SHISAL1: variants seen among roughly 807,000 people sequenced by gnomAD.
SHISAL1 encodes the protein protein shisa-like-1.
A neutral mutation model predicts 22.6 loss-of-function variants in SHISAL1; 9 were observed. That is an observed-to-expected ratio of 0.40 (90% CI 0.24 to 0.70). The LOEUF is 0.70. SHISAL1 is among the 30% of genes least tolerant of loss of function. The pLI is 0.39. For missense variants in SHISAL1, 246 were observed against 270.6 expected (o/e 0.91, Z 0.64); for synonymous variants, 119 against 115.4 (o/e 1.03, Z -0.20).
Position 44,246,968 on chromosome 22 carries a change from A to C in SHISAL1, c.*2717T>G, listed in dbSNP as rs1285581850. 1 of 151,912 alleles carries C rather than the reference A, an allele frequency of 6.6e-6. No homozygotes were observed. The highest frequency in any genetic ancestry group is 1.5e-5 in the Non-Finnish European group (1 of 68,040). The allele number at this position is 151,912 out of a possible 1,614,324, so 9.4% of individuals were successfully genotyped here. ...ACTTGGCAGAGCAGCAGGACCACAAACCCCATGGGTTTTTCAGTTATTCCT... is the reference window on the plus strand; with the variant it reads ...ACTTGGCAGAGCAGCAGGACCACAACCCCCATGGGTTTTTCAGTTATTCCT... On this transcript the variant is annotated 3_prime_UTR_variant, in exon 5 of 5. Transcript: ENST00000381176.
the SHISAL1 span, among the ~76,000 whole-genome samples, chr22:44,319,677 T>C: frequency 1.3e-5 from 2 of 152,244 alleles, no homozygotes; most frequent in African/African-American, 4.8e-5. Context: ...CGGGGACAAT[T>C]CAGACCATGT....
chr22:44,331,568 G>A, the SHISAL1 span, among the ~76,000 whole-genome samples: 5 of 150,076 alleles, frequency 3.3e-5, 1 homozygote, highest in South Asian at 1.0e-3. This position sits in a 1 kb window ranked among gnomAD's most constrained non-coding sequence, Gnocchi z 5.2. Flanking sequence ...CTGCTGGGGT[G>A]CGGGGGCTGC....
chr22:44,297,717 T>C (rs1236144042), intron 2 of SHISAL1, among the ~76,000 whole-genome samples: 1 of 152,274 alleles, frequency 6.6e-6, no homozygotes, highest in Non-Finnish European at 1.5e-5. Context: ...ACTGAAAGTC[T>C]GAACAAATAT....
intron 4 of SHISAL1, among the ~76,000 whole-genome samples, chr22:44,259,781 G>T (rs2055109467): frequency 6.6e-6 from 1 of 152,186 alleles, no homozygotes; most frequent in South Asian, 2.1e-4. Flanking sequence ...GCTTAGGGGG[G>T]CTTGCAATCG....
At chr22:44,277,816 C>G (rs2147285080) in intron 4 of SHISAL1, among the ~76,000 whole-genome samples, 2 of 152,316 alleles carry the variant, frequency 1.3e-5, no homozygotes, top group Middle Eastern at 6.8e-3. Context: ...TGGTTATGAA[C>G]ACTTTTCCAT....
chr22:44,303,055 G>A (rs141535308), intron 1 of SHISAL1, among the ~76,000 whole-genome samples: 56 of 152,168 alleles, frequency 3.7e-4, no homozygotes, highest in Non-Finnish European at 6.2e-4. Context: ...AGTTGGAAAC[G>A]GAGGCTAGGA....
chr22:44,290,529 C>CAAAAAAA lies in SHISAL1; in HGVS notation c.282-4791_282-4785dup, dbSNP rs546640216. 7.4e-3 allele frequency among the ~76,000 whole-genome samples: 619 copies of CAAAAAAA among 84,110 alleles called. 4 individuals are homozygous for CAAAAAAA. The highest frequency in any genetic ancestry group is 0.028 in the African/African-American group (582 of 21,116). The allele number at this position is 84,110 out of a possible 152,430, so 55.2% of individuals were successfully genotyped here. On this transcript the variant is annotated intron_variant, in intron 3 of 4. Transcript: ENST00000381176. ...GGGCAACAAGAGGGAAACTCAGTCTCAAAAAAAAAAAAAAACAAAAAACGG... is the reference window on the plus strand; with the variant it reads ...GGGCAACAAGAGGGAAACTCAGTCTCAAAAAAAAAAAAAAAAAAAAAACAAAAAACGG...
At chr22:44,322,000 G>A in the SHISAL1 span, among the ~76,000 whole-genome samples, 1 of 152,038 alleles carries the variant, frequency 6.6e-6, no homozygotes, top group African/African-American at 2.4e-5. Context: ...TGGTGGTGAA[G>A]GGTGGACACA....
chr22:44,281,140 G>A (rs1245523067), intron 4 of SHISAL1, among the ~76,000 whole-genome samples: 2 of 152,110 alleles, frequency 1.3e-5, no homozygotes, highest in Non-Finnish European at 2.9e-5. Context: ...TCAGGGTGAG[G>A]GGACCAGGGC....
upstream of SHISAL1, among the ~76,000 whole-genome samples, chr22:44,316,414 TG>T (rs569428797): frequency 3.8e-4 from 29 of 75,564 alleles, no homozygotes; most frequent in South Asian, 0.015. Flanking sequence ...GGGTGGGGGG[TG>T]GGGGGGCAAA....
At chr22:44,318,088 C>T in the SHISAL1 span, among the ~76,000 whole-genome samples, 1 of 152,248 alleles carries the variant, frequency 6.6e-6, no homozygotes, top group Non-Finnish European at 1.5e-5. Flanking sequence ...CCCAGTCCAG[C>T]CCATCCAGGA....
At chr22:44,287,877 C>T (rs2055327263) in intron 3 of SHISAL1, among the ~76,000 whole-genome samples, 1 of 152,124 alleles carries the variant, frequency 6.6e-6, no homozygotes, top group Admixed American at 6.5e-5. Context: ...CGGAATTGCT[C>T]TAAGTGCCAG....
intron 4 of SHISAL1, among the ~76,000 whole-genome samples, chr22:44,252,540 G>A (rs552883404): frequency 6.7e-6 from 1 of 149,548 alleles, no homozygotes; most frequent in South Asian, 2.1e-4. Context: ...AACTATAAAA[G>A]CAGAAAGCCT....
At chr22:44,315,634 T>C (rs545618033), upstream of SHISAL1, among the ~76,000 whole-genome samples, 4 of 152,348 alleles carry the variant, frequency 2.6e-5, no homozygotes, top group African/African-American at 9.6e-5. Context: ...GGAACTGAGC[T>C]GGTGGCCCCA....
chr22:44,319,556 C>T, the SHISAL1 span, among the ~76,000 whole-genome samples: 1 of 152,224 alleles, frequency 6.6e-6, no homozygotes, highest in East Asian at 1.9e-4. Context: ...CCATTTCCCA[C>T]CAGTGCCAGA....
chr22:44,269,150 A>G (rs112469521), intron 4 of SHISAL1, among the ~76,000 whole-genome samples: 1 of 148,130 alleles, frequency 6.8e-6, no homozygotes, highest in African/African-American at 2.5e-5. Flanking sequence ...AAACACACAT[A>G]CCATGCCACA....
chr22:44,270,264 A>G (rs2147280093), intron 4 of SHISAL1, among the ~76,000 whole-genome samples: 1 of 152,304 alleles, frequency 6.6e-6, no homozygotes, highest in East Asian at 1.9e-4. Flanking sequence ...GGATGCCGTC[A>G]ACGTTGAGAT....
the SHISAL1 span, among the ~76,000 whole-genome samples, chr22:44,331,644 G>A: frequency 6.7e-6 from 1 of 148,648 alleles, no homozygotes; most frequent in African/African-American, 2.4e-5. The surrounding 1 kb of genome is among the most constrained non-coding windows in gnomAD (Gnocchi z 5.2). Context: ...CTGCGGGGAC[G>A]CGGGGACTCC....
chr22:44,264,950 A>C (rs890037566), intron 4 of SHISAL1, among the ~76,000 whole-genome samples: 1 of 151,730 alleles, frequency 6.6e-6, no homozygotes, highest in African/African-American at 2.4e-5. Context: ...CAACGTCCCC[A>C]ACACACACCA....
Sources: allele counts gnomAD v4.1 joint callset (sites outside exome capture counted in the v4.1 genomes callset), GRCh38; gene constraint gnomAD v4.1.1; non-coding constraint Gnocchi (gnomAD v3.1); transcripts MANE v1.5; gene names NCBI Gene and HGNC (gene_info 2026-07-23, HGNC 2026-07-21).